The following SLC24A3 variants were observed in gnomAD, a reference collection of about 807,000 sequenced individuals.
SLC24A3 encodes solute carrier family 24 member 3.
SLC24A3 carries 28 observed loss-of-function variants against 75.8 expected under a neutral mutation model. The observed-to-expected ratio is 0.37, with a 90% CI of 0.27 to 0.51. SLC24A3 has a LOEUF of 0.51. SLC24A3 is among the 20% of genes least tolerant of loss of function. The probability of loss-of-function intolerance (pLI) is 0.94; values close to 1 mark genes in which losing one functional copy is unlikely to be tolerated. For missense variants in SLC24A3, 663 were observed against 847.8 expected, an observed-to-expected ratio of 0.78 and a Z score of 2.71; for synonymous variants, 372 against 334.1, an observed-to-expected ratio of 1.11 and a Z score of -1.24.
At chr20:19,269,946 C>A (rs1600402893) in intron 1 of SLC24A3, among the ~76,000 whole-genome samples, 1 of 152,196 alleles carries the variant, frequency 6.6e-6, no homozygotes, top group South Asian at 2.1e-4. Context: ...ACTCTTCTTC[C>A]TGCTGGACAG....
In SLC24A3 at chr20:19,668,815, G is replaced by A. The variant is rs373632217; in HGVS notation, c.713+2926G>A. On this transcript the variant is annotated intron_variant, in intron 8 of 16. Transcript: ENST00000328041. ...GTATTTTTCTTACTATCAGTGCCCC[G>A]GATGTAGGTGGTGCTGTGGCTCTGC... Among the ~76,000 whole-genome samples, 35 of 152,274 alleles carry A rather than the reference G, an allele frequency of 2.3e-4. No individual in the cohort carries two copies. In the East Asian group the frequency reaches 5.4e-3, roughly 23 times the overall value.
intron 9 of SLC24A3, 52 bp from the exon 10 acceptor site, chr20:19,681,806 A>G (rs2032618348): frequency 2.5e-6 from 4 of 1,611,866 alleles, no homozygotes; most frequent in Non-Finnish European, 2.5e-6. Flanking sequence ...GAGTTGAGAA[A>G]TGGGAGAATG....
intron 3 of SLC24A3, among the ~76,000 whole-genome samples, chr20:19,572,105 G>A (rs2031061468): frequency 6.6e-6 from 1 of 152,224 alleles, no homozygotes; most frequent in South Asian, 2.1e-4. Context: ...AGAAGGCTGA[G>A]AGGGGAGGAT....
At chr20:19,462,167 G>A (rs1320467016) in intron 2 of SLC24A3, among the ~76,000 whole-genome samples, 5 of 152,128 alleles carry the variant, frequency 3.3e-5, no homozygotes, top group Non-Finnish European at 5.9e-5. Context: ...TCAAACTGTA[G>A]TTCCCCTCAG....
Position 19,316,076 on chromosome 20 carries a change from G to A in SLC24A3, c.271+34989G>A, listed in dbSNP as rs191223172. 3.0e-4 allele frequency among the ~76,000 whole-genome samples: 46 copies of A among 152,304 alleles called. No homozygotes were observed. In the East Asian group the frequency reaches 8.5e-3, roughly 28 times the overall value. ...GCATGGCTGGGGGCGGCAGCTCACC[G>A]CAGCTGCCCAGCATCACCAAAGCCT... is the stretch of plus-strand genomic sequence containing the variant. On this transcript the variant is annotated intron_variant, in intron 2 of 16. Transcript: ENST00000328041.
chr20:19,300,848 A>C lies in SLC24A3; in HGVS notation c.271+19761A>C, dbSNP rs148816849. ...TTCGCCCTCAACAGGTTGGAGATTG[A>C]GGGACTGTTCACTGTCTGGCTGCGA... On this transcript the variant is annotated intron_variant, in intron 2 of 16. Coordinates refer to ENST00000328041, the MANE Select transcript of SLC24A3 (RefSeq NM_020689.4). Among the ~76,000 whole-genome samples, 287 of 152,162 alleles carry C rather than the reference A, an allele frequency of 1.9e-3. 1 individual carries two copies. Among genetic ancestry groups the C allele is most frequent in the African/African-American group, 6.8e-3 (281 of 41,530 alleles).
chr20:19,662,923 C>G (rs1381522229), intron 7 of SLC24A3, among the ~76,000 whole-genome samples: 1 of 152,162 alleles, frequency 6.6e-6, no homozygotes, highest in Non-Finnish European at 1.5e-5. Flanking sequence ...CCCGATGGAA[C>G]GTTCTGCAAA....
intron 6 of SLC24A3, among the ~76,000 whole-genome samples, chr20:19,624,140 G>A (rs559229139): frequency 1.1e-4 from 17 of 152,260 alleles, no homozygotes; most frequent in Middle Eastern, 6.8e-3. Context: ...CTAAGCTATT[G>A]TTTTCAAGTA....
At chr20:19,663,413 C>CACCTCCTCCTCCACT (rs1555805454) in intron 7 of SLC24A3, among the ~76,000 whole-genome samples, 3 of 5,902 alleles carry the variant, frequency 5.1e-4, no homozygotes, top group South Asian at 2.8e-3. Context: ...CCTCCACCTC[C>CACCTCCTCCTCCACT]TCCTCCTCCT....
intron 9 of SLC24A3, among the ~76,000 whole-genome samples, chr20:19,678,412 C>T (rs1264046668): frequency 7.5e-6 from 1 of 133,578 alleles, no homozygotes; most frequent in Non-Finnish European, 1.6e-5. Context: ...GTAGGGACGG[C>T]CAGGCAGAGG....
intron 2 of SLC24A3, among the ~76,000 whole-genome samples, chr20:19,414,537 C>A (rs1986796432): frequency 6.6e-6 from 1 of 151,964 alleles, no homozygotes; most frequent in East Asian, 1.9e-4. Context: ...ATTAGTAGAA[C>A]AAAATAGGAA....
chr20:19,429,475 C>G (rs925306229), intron 2 of SLC24A3, among the ~76,000 whole-genome samples: 1 of 152,198 alleles, frequency 6.6e-6, no homozygotes, highest in African/African-American at 2.4e-5. Flanking sequence ...AGGTAATACA[C>G]GCACTATCTC....
At chr20:19,698,385 G>T (rs1257961520) in intron 14 of SLC24A3, among the ~76,000 whole-genome samples, 183 bp from the exon 15 acceptor site, 1 of 152,224 alleles carries the variant, frequency 6.6e-6, no homozygotes, top group Admixed American at 6.5e-5. Flanking sequence ...CCATTCAATA[G>T]AACGTGTGTT....
chr20:19,706,170 ATT>A lies in SLC24A3; in HGVS notation c.1719+7491_1719+7492del, dbSNP rs142456390. ...ACAAAAAGAAGAGCTGTCCAGAAAT[ATT>A]CTCACCCCACACTGTCTGCCTGGTT... On this transcript the variant is annotated intron_variant, in intron 15 of 16. Coordinates refer to ENST00000328041, the MANE Select transcript of SLC24A3 (RefSeq NM_020689.4). Among the ~76,000 whole-genome samples the A allele has an allele frequency of 3.3e-3, 507 of 152,280 alleles. 2 individuals are homozygous for A. Among genetic ancestry groups the A allele is most frequent in the African/African-American group, 0.012 (487 of 41,534 alleles).
At chr20:19,673,561 T>C (rs1411921318) in intron 8 of SLC24A3, 40 bp from the exon 9 acceptor site, 2 of 1,578,596 alleles carry the variant, frequency 1.3e-6, no homozygotes, top group Admixed American at 1.7e-5. Flanking sequence ...GTTTCACAGA[T>C]GTCCATGACT....
chr20:19,592,994 C>G (rs1456904660), intron 6 of SLC24A3, among the ~76,000 whole-genome samples: 1 of 151,982 alleles, frequency 6.6e-6, no homozygotes, highest in Non-Finnish European at 1.5e-5. Context: ...CAGGGTTTCG[C>G]CATGTTAGTC....
intron 2 of SLC24A3, among the ~76,000 whole-genome samples, chr20:19,428,737 G>A (rs543320853): frequency 5.8e-4 from 89 of 152,256 alleles, no homozygotes; most frequent in South Asian, 1.7e-3. Flanking sequence ...TCTTGGCCAC[G>A]TGGTGTTGGG....
intron 2 of SLC24A3, among the ~76,000 whole-genome samples, chr20:19,437,964 G>A (rs948407513): frequency 2.0e-5 from 3 of 152,156 alleles, no homozygotes; most frequent in Non-Finnish European, 2.9e-5. Context: ...CTGCATTTTC[G>A]GAACAGAACT....
chr20:19,388,567 C>G (rs1986311822), intron 2 of SLC24A3, among the ~76,000 whole-genome samples: 1 of 152,144 alleles, frequency 6.6e-6, no homozygotes, highest in South Asian at 2.1e-4. Flanking sequence ...AAAAATTAGC[C>G]GGGCGTGGTG....
Sources: allele counts gnomAD v4.1 joint callset (sites outside exome capture counted in the v4.1 genomes callset), GRCh38; gene constraint gnomAD v4.1.1; transcripts MANE v1.5; gene names NCBI Gene and HGNC (gene_info 2026-07-23, HGNC 2026-07-21).